RNF130: variants seen among roughly 807,000 people sequenced by gnomAD.
The protein encoded by RNF130 is E3 ubiquitin-protein ligase RNF130.
In RNF130, 21 loss-of-function variants were observed where a neutral mutation model predicts 44.6. That is an observed-to-expected ratio of 0.47 (90% confidence interval 0.33 to 0.68). The LOEUF (loss-of-function observed/expected upper bound fraction) is 0.68. Ranked by LOEUF, RNF130 falls within the 30% of genes least tolerant of loss-of-function variation. The pLI is 0.02. For synonymous variants in RNF130, 214 were observed against 210.4 expected, an observed-to-expected ratio of 1.02 and a Z score of -0.15; for missense variants, 479 against 560.6, an observed-to-expected ratio of 0.85 and a Z score of 1.47.
chr5:179,927,628 G>T (rs1166352573), intron 7 of RNF130, among the ~76,000 whole-genome samples: 1 of 134,158 alleles, frequency 7.5e-6, no homozygotes, highest in Non-Finnish European at 1.5e-5. Flanking sequence ...TCACTCTGTC[G>T]CCCAGGCTGG....
At chr5:180,062,055 C>CTTTT (rs901554822) in intron 1 of RNF130, among the ~76,000 whole-genome samples, 1 of 134,940 alleles carries the variant, frequency 7.4e-6, no homozygotes, top group Non-Finnish European at 1.6e-5. Flanking sequence ...CCCCCAGCCT[C>CTTTT]TTTTTTTTTT....
chr5:179,963,739 G>T (rs1762380796), intron 7 of RNF130, 175 bp from the exon 8 acceptor site: 1 of 608,110 alleles, frequency 1.6e-6, no homozygotes, highest in African/African-American at 1.8e-5. Flanking sequence ...GAAGGTTAGT[G>T]GAAGTACTGG....
chr5:180,064,735 C>A (rs1446635629), intron 1 of RNF130, among the ~76,000 whole-genome samples: 2 of 152,214 alleles, frequency 1.3e-5, no homozygotes, highest in Non-Finnish European at 2.9e-5. Context: ...TTCTCTCTTC[C>A]ATTTCTCCAC....
chr5:180,003,929 G>A (rs1392326990), intron 3 of RNF130, among the ~76,000 whole-genome samples: 1 of 152,138 alleles, frequency 6.6e-6, no homozygotes, highest in Non-Finnish European at 1.5e-5. Flanking sequence ...GGTTTATTCG[G>A]TACATACCAT....
chr5:180,065,302 C>A (rs780458487), intron 1 of RNF130, among the ~76,000 whole-genome samples: 1 of 152,088 alleles, frequency 6.6e-6, no homozygotes, highest in Non-Finnish European at 1.5e-5. Flanking sequence ...ATAACACAAC[C>A]ATTTTTATGT....
intron 3 of RNF130, among the ~76,000 whole-genome samples, chr5:179,983,199 TATC>T (rs1273749187): frequency 6.6e-6 from 1 of 152,214 alleles, no homozygotes; most frequent in Non-Finnish European, 1.5e-5. Flanking sequence ...TGTGCTCTAG[TATC>T]ATATTAAGGA....
At chr5:179,932,905 C>T (rs1230512324) in intron 7 of RNF130, among the ~76,000 whole-genome samples, 3 of 152,072 alleles carry the variant, frequency 2.0e-5, no homozygotes, top group Non-Finnish European at 4.4e-5. Context: ...TCTTGTAATG[C>T]CCTTGTAATA....
chr5:179,983,523 C>T (rs1762887475), intron 3 of RNF130, among the ~76,000 whole-genome samples: 1 of 152,144 alleles, frequency 6.6e-6, no homozygotes, highest in Non-Finnish European at 1.5e-5. Context: ...AAATACAATC[C>T]TGTCCTGATT....
At chr5:180,013,376 C>G in intron 2 of RNF130, 65 bp from the exon 3 acceptor site, 2 of 1,371,072 alleles carry the variant, frequency 1.5e-6, no homozygotes, top group Non-Finnish European at 2.0e-6. Flanking sequence ...TCAAATGTAT[C>G]AACACGCTAC....
At chr5:180,011,023 T>C (rs115974812) in intron 3 of RNF130, among the ~76,000 whole-genome samples, 2,024 of 152,150 alleles carry the variant, frequency 0.013, 17 homozygotes, top group Non-Finnish European at 0.02. Flanking sequence ...GAGAAATGAG[T>C]GAAGGGGATA....
At chr5:179,959,497 G>A (rs982437431) in intron 8 of RNF130, among the ~76,000 whole-genome samples, 8 of 151,910 alleles carry the variant, frequency 5.3e-5, no homozygotes, top group African/African-American at 1.9e-4. Context: ...GCGTGGTGGC[G>A]GGTGCCTGTA....
intron 8 of RNF130, among the ~76,000 whole-genome samples, chr5:179,958,708 CAG>C (rs1322016164): frequency 6.6e-6 from 1 of 151,970 alleles, no homozygotes; most frequent in African/African-American, 2.4e-5. Flanking sequence ...TTTTTTGAGA[CAG>C]AGTTTCACTC....
At chr5:179,949,531 A>C (rs1762094494) in intron 7 of RNF130, among the ~76,000 whole-genome samples, 1 of 152,174 alleles carries the variant, frequency 6.6e-6, no homozygotes, top group Non-Finnish European at 1.5e-5. Context: ...AAGACAAAAC[A>C]ACCTGTCTCT....
chr5:179,985,064 A>G (rs1762924116), intron 3 of RNF130, among the ~76,000 whole-genome samples: 1 of 150,862 alleles, frequency 6.6e-6, no homozygotes, highest in Non-Finnish European at 1.5e-5. Context: ...CCATCAAGTC[A>G]TCTCCTATTA....
rs1182634395 is a variant in RNF130 at position 179,997,032 on chromosome 5, T to G, written c.693+16029A>C. On this transcript the variant is annotated intron_variant, in intron 3 of 8. Coordinates refer to ENST00000521389, the MANE Select transcript of RNF130 (RefSeq NM_018434.6). ...TTTGATCAGGTTTTCTATTTCCTCT[T>G]GAATCTATGTTGGTATATGTGTCTG... Among the ~76,000 whole-genome samples the G allele has an allele frequency of 2.0e-5, 3 of 152,230 alleles. No homozygotes were observed. In the East Asian group the frequency reaches 5.8e-4, roughly 29 times the overall value.
chr5:180,004,425 G>A (rs1048754971), intron 3 of RNF130, among the ~76,000 whole-genome samples: 1 of 152,182 alleles, frequency 6.6e-6, no homozygotes, highest in Non-Finnish European at 1.5e-5. Flanking sequence ...AGAAAGAGAT[G>A]AGGAGATCTG....
chr5:180,017,705 G>T (rs1202378596), intron 2 of RNF130, among the ~76,000 whole-genome samples: 2 of 151,846 alleles, frequency 1.3e-5, no homozygotes, highest in African/African-American at 4.8e-5. Flanking sequence ...TTTTAATGAG[G>T]AAAAAAAGTG....
chr5:179,924,974 A>C (rs1021616524), intron 7 of RNF130, among the ~76,000 whole-genome samples: 1 of 152,152 alleles, frequency 6.6e-6, no homozygotes, highest in Non-Finnish European at 1.5e-5. Context: ...GAAGATGAAA[A>C]ACAAAGAGCT....
exon 8 of RNF130, chr5:179,918,281 C>T (rs1260003540): frequency 6.6e-6 from 1 of 152,172 alleles, no homozygotes; most frequent in Non-Finnish European, 1.5e-5. Context: ...TATTAATAGA[C>T]AGATTCTAGG....
Sources: gnomAD v4.1 joint callset for allele counts (sites outside exome capture counted in the v4.1 genomes callset) on GRCh38, gnomAD v4.1.1 for gene constraint, MANE v1.5 for transcripts, NCBI Gene and HGNC (gene_info 2026-07-23, HGNC 2026-07-21) for gene names.